Variants in PSMC6 observed in about 807,000 individuals in gnomAD.
The protein encoded by PSMC6 is proteasome 26S subunit, ATPase 6, also known as 26S proteasome regulatory subunit 10B.
Under a neutral mutation model 55.9 loss-of-function variants are expected in PSMC6, and 3 were observed. That is an observed-to-expected ratio of 0.05 (90% CI 0.02 to 0.14). The LOEUF is 0.14. PSMC6 is among the 10% of genes least tolerant of loss of function. PSMC6 has a pLI of 1.00. For synonymous variants in PSMC6, 137 were observed against 155.9 expected (o/e 0.88, Z 0.90); for missense variants, 210 against 478.7 (o/e 0.44, Z 5.24).
intron 12 of PSMC6, chr14:52,723,240 C>T (rs2139856949): frequency 6.6e-6 from 1 of 152,268 alleles, no homozygotes; most frequent in African/African-American, 2.4e-5. Flanking sequence ...AACGACATGC[C>T]CTATATTGCC....
intron 10 of PSMC6, among the ~76,000 whole-genome samples, 165 bp from the exon 11 acceptor site, chr14:52,720,696 C>T (rs2041881604): frequency 6.6e-6 from 1 of 151,864 alleles, no homozygotes. Flanking sequence ...AAAGTATATC[C>T]CTTTATATAA....
intron 10 of PSMC6, among the ~76,000 whole-genome samples, chr14:52,719,493 T>C (rs1028169067): frequency 2.0e-4 from 31 of 152,328 alleles, no homozygotes; most frequent in African/African-American, 7.5e-4. Flanking sequence ...GATGACAGAA[T>C]GAAAGAATGC....
intron 7 of PSMC6, 89 bp from the exon 8 acceptor site, chr14:52,717,992 T>A: frequency 8.0e-7 from 1 of 1,245,800 alleles, no homozygotes; most frequent in Non-Finnish European, 1.2e-6. Context: ...CTCGCCACAC[T>A]CCAGCCTAGG....
rs191551557 is a variant in PSMC6 at position 52,723,694 on chromosome 14, T to C, written c.980-271T>C. ...TATCTGGAGTTCACATGTGCATAGC[T>C]ATTTCACTGTATAAAAATAGATTAA... On this transcript the variant is annotated intron_variant, in intron 12 of 13. Transcript: ENST00000445930. 6.6e-4 allele frequency: 350 copies of C among 531,982 alleles called. 3 individuals are homozygous for C. Among genetic ancestry groups the C allele is most frequent in the Middle Eastern group, 5.9e-4 (1 of 1,704 alleles). The allele number at this position is 531,982 out of a possible 1,614,324, so 33.0% of individuals were successfully genotyped here.
In PSMC6 at chr14:52,727,491, C is replaced by T; in HGVS notation, c.1052-8C>T. The T allele has an allele frequency of 6.3e-7, 1 of 1,585,274 alleles. No individual in the cohort carries two copies. Among genetic ancestry groups the T allele is most frequent in the Non-Finnish European group, 8.6e-7 (1 of 1,157,142 alleles). On this transcript the variant is annotated splice_region_variant and splice_polypyrimidine_tract_variant and intron_variant, in intron 13 of 13. Transcript: ENST00000445930. ...TATATAGCAGTCATGTTGTTTTATT[C>T]TCTACAGGTATGTTCGCAATTCGTG...
At chr14:52,709,617 G>C (rs909049626) in intron 4 of PSMC6, 1 of 455,568 alleles carries the variant, frequency 2.2e-6, no homozygotes, top group African/African-American at 2.0e-5. Context: ...AGATATTTCA[G>C]GTTGCATGAG....
intron 7 of PSMC6, among the ~76,000 whole-genome samples, chr14:52,715,501 C>T (rs908995987): frequency 6.6e-6 from 1 of 152,108 alleles, no homozygotes; most frequent in Non-Finnish European, 1.5e-5. Context: ...TCATGTTAAA[C>T]AACTGACACC....
Position 52,720,943 on chromosome 14 carries a change from C to G in PSMC6, c.860C>G (p.Pro287Arg). The change falls in exon 11 of 14, where the codon CCT becomes CGT. Residue 287 changes from proline to arginine, a missense_variant. Around this residue, in one of 4 missense-constraint regions of PSMC6, gnomAD observed 79 missense variants for 158.7 expected, o/e 0.50. Coordinates refer to ENST00000445930, the MANE Select transcript of PSMC6 (RefSeq NM_002806.5). The stretch of plus-strand genomic sequence containing the variant: ...ACAAACAGACCAGATACACTGGATC[C>G]TGCTTTGCTGCGTCCAGGAAGATTA... ...MATNRPDTLDPALLRPGRLDR... is the reference protein window; with the variant it reads ...MATNRPDTLDRALLRPGRLDR... The G allele has an allele frequency of 6.2e-7, 1 of 1,613,476 alleles. No homozygotes were observed. Among genetic ancestry groups the G allele is most frequent in the Non-Finnish European group, 8.5e-7 (1 of 1,179,562 alleles).
intron 1 of PSMC6, 21 bp from the exon 2 acceptor site, chr14:52,708,288 G>A (rs757539532): frequency 6.4e-7 from 1 of 1,574,620 alleles, no homozygotes; most frequent in East Asian, 2.2e-5. Flanking sequence ...AATTAAAAAT[G>A]TTCAAATTGT....
At chr14:52,718,725 G>A (rs2041857713) in intron 9 of PSMC6, 1 of 455,378 alleles carries the variant, frequency 2.2e-6, no homozygotes, top group South Asian at 2.7e-5. Context: ...GACGTAGGTT[G>A]CAGTGAGCCG....
At chr14:52,714,021 T>TAAA in intron 7 of PSMC6, 53 bp downstream of exon 7, 8 of 964,142 alleles carry the variant, frequency 8.3e-6, no homozygotes, top group Admixed American at 2.6e-5. Context: ...ATTAAGGAAT[T>TAAA]AAAAAAAAAA....
chr14:52,707,351 C>T, intron 1 of PSMC6, 47 bp downstream of exon 1: 2 of 1,608,880 alleles, frequency 1.2e-6, no homozygotes, highest in Non-Finnish European at 1.7e-6. Context: ...CGACTCGCTT[C>T]TGCCTCTGAC....
intron 7 of PSMC6, among the ~76,000 whole-genome samples, chr14:52,716,998 A>T (rs2041836581): frequency 6.6e-6 from 1 of 152,194 alleles, no homozygotes; most frequent in Admixed American, 6.5e-5. Flanking sequence ...GTGTATGGGG[A>T]TAGGGGAGAT....
At chr14:52,710,064 T>A (rs2041750743) in intron 4 of PSMC6, 1 of 153,314 alleles carries the variant, frequency 6.5e-6, no homozygotes, top group Admixed American at 6.5e-5. Flanking sequence ...CTTTGTAAAA[T>A]CCTGTGACAA....
At chr14:52,717,946 T>C (rs1039372377) in intron 7 of PSMC6, 135 bp from the exon 8 acceptor site, 50 of 743,308 alleles carry the variant, frequency 6.7e-5, no homozygotes, top group Middle Eastern at 3.9e-4. Flanking sequence ...GAAAATCGCT[T>C]AGGTCTGGGA....
chr14:52,718,511 G>A lies in PSMC6; in HGVS notation c.715+159G>A, dbSNP rs2041854886. ...TTTTAATAAATAACCTTTCATGGCC[G>A]GGTGTGGTGGCTCATGCCTGTAATC... On this transcript the variant is annotated intron_variant, in intron 9 of 13. Coordinates refer to ENST00000445930, the MANE Select transcript of PSMC6 (RefSeq NM_002806.5). 9 of 796,960 alleles carry A rather than the reference G, an allele frequency of 1.1e-5. No homozygotes were observed. In the East Asian group the frequency reaches 1.2e-4, roughly 11 times the overall value. The allele number at this position is 796,960 out of a possible 1,614,324, so 49.4% of individuals were successfully genotyped here. A position where few individuals can be genotyped will look rare whatever the true frequency, so the allele number is the denominator to read the frequency against.
intron 6 of PSMC6, among the ~76,000 whole-genome samples, chr14:52,712,907 C>T (rs868847965): frequency 4.6e-5 from 7 of 152,024 alleles, no homozygotes; most frequent in Non-Finnish European, 5.9e-5. Context: ...CGTGAGCCAC[C>T]GCACCTAGCC....
At chr14:52,721,802 C>T (rs1372648021) in intron 12 of PSMC6, 1 of 152,818 alleles carries the variant, frequency 6.5e-6, no homozygotes, top group Non-Finnish European at 1.5e-5. Context: ...GGGTCTCACT[C>T]TTGCCCAGGC....
intron 3 of PSMC6, 44 bp downstream of exon 3, chr14:52,708,566 CCTCT>C (rs771072263): frequency 2.1e-5 from 34 of 1,581,670 alleles, no homozygotes; most frequent in East Asian, 2.2e-5. Context: ...AAACAGTCCA[CCTCT>C]CTCTCACTTT....
Sources: allele counts gnomAD v4.1 joint callset (sites outside exome capture counted in the v4.1 genomes callset), GRCh38; gene constraint gnomAD v4.1.1; regional missense constraint gnomAD v4.1.1; transcripts MANE v1.5; gene names NCBI Gene and HGNC (gene_info 2026-07-23, HGNC 2026-07-21).